Variants in AEN observed in about 807,000 individuals in gnomAD.
AEN encodes the protein apoptosis-enhancing nuclease.
AEN carries 21 observed loss-of-function variants against 17.7 expected under a neutral mutation model. The observed-to-expected ratio is 1.19, with a 90% CI of 0.84 to 1.71. The LOEUF is 1.71. Ranked by LOEUF, AEN falls within the 40% of genes most tolerant of loss-of-function variation. The pLI, the probability that AEN is intolerant of heterozygous loss-of-function variation, is 0.00. For synonymous variants in AEN, 190 were observed against 173.0 expected, an observed-to-expected ratio of 1.10 and a Z score of -0.77; for missense variants, 462 against 435.9, an observed-to-expected ratio of 1.06 and a Z score of -0.53.
the AEN span, among the ~76,000 whole-genome samples, chr15:88,608,837 T>C: frequency 6.6e-6 from 1 of 152,248 alleles, no homozygotes; most frequent in Admixed American, 6.5e-5. Context: ...GGAAGACTTG[T>C]TGCAGGTAGG....
chr15:88,624,664 A>G (rs1183292720), intron 1 of AEN, among the ~76,000 whole-genome samples: 2 of 152,146 alleles, frequency 1.3e-5, no homozygotes, highest in Non-Finnish European at 2.9e-5. Flanking sequence ...CAGGTGGATC[A>G]CCTGAGGTCA....
the AEN span, among the ~76,000 whole-genome samples, chr15:88,607,833 G>A: frequency 6.6e-6 from 1 of 151,988 alleles, no homozygotes; most frequent in Non-Finnish European, 1.5e-5. Flanking sequence ...TAGTTTTGCG[G>A]GTATTTACAT....
In AEN at chr15:88,630,636, AG is replaced by A. The variant is rs1032440074; in HGVS notation, c.*343del. On this transcript the variant is annotated 3_prime_UTR_variant, in exon 4 of 4. Transcript: ENST00000332810. The surrounding 1 kb of genome is among the most constrained non-coding windows in gnomAD (Gnocchi z 5.1). ...GTTGCCGTGGCCTTCCCCACCCCCCAGATCTCCTGAGTCATCATGCTGTGCT... is the reference window on the plus strand; with the variant it reads ...GTTGCCGTGGCCTTCCCCACCCCCCAATCTCCTGAGTCATCATGCTGTGCT... 6.3e-6 allele frequency: 2 copies of A among 317,968 alleles called. No homozygotes were observed. Among genetic ancestry groups the A allele is most frequent in the African/African-American group, 4.2e-5 (2 of 47,278 alleles). 19.7% of individuals were successfully genotyped at this position (317,968 alleles called of 1,614,324 possible).
chr15:88,612,696 G>C, the AEN span, among the ~76,000 whole-genome samples: 1 of 151,914 alleles, frequency 6.6e-6, no homozygotes, highest in Non-Finnish European at 1.5e-5. Context: ...CACCTCCTGG[G>C]TTCAAGTGAT....
At chr15:88,606,973 A>C in the AEN span, among the ~76,000 whole-genome samples, 2 of 151,544 alleles carry the variant, frequency 1.3e-5, no homozygotes, top group African/African-American at 4.9e-5. Flanking sequence ...TGAGAAAAAA[A>C]AATTGCTTTT....
At chr15:88,608,002 T>C in the AEN span, 5 of 442,776 alleles carry the variant, frequency 1.1e-5, no homozygotes, top group South Asian at 8.8e-5. Flanking sequence ...ATCAGTAATG[T>C]CCCATAGCAA....
At chr15:88,629,533 T>C (rs1375915710) in intron 3 of AEN, 107 bp downstream of exon 3, 2 of 1,346,282 alleles carry the variant, frequency 1.5e-6, no homozygotes, top group African/African-American at 2.9e-5. Flanking sequence ...CTTGTCATTC[T>C]CTTCCCTAGT....
At chr15:88,618,527 T>C (rs12442503), upstream of AEN, among the ~76,000 whole-genome samples, 1,539 of 152,362 alleles carry the variant, frequency 0.01, 122 homozygotes, top group East Asian at 0.2. Flanking sequence ...ACATACAAGT[T>C]AATTAATCTT....
At chr15:88,612,107 G>T in the AEN span, among the ~76,000 whole-genome samples, 1 of 152,176 alleles carries the variant, frequency 6.6e-6, no homozygotes, top group Non-Finnish European at 1.5e-5. Flanking sequence ...GTGGGGCAGG[G>T]TCTCTGTTTT....
At position 88,631,764 on chromosome 15, in the gene AEN, T is replaced by C. The variant is rs937860083; in HGVS notation, c.*1470T>C. ...GCAGCTGTGGCCCAGACAGAACTGC[T>C]CCGGCTTGGCTGTTCCAGCAGGTGG... On this transcript the variant is annotated 3_prime_UTR_variant, in exon 4 of 4. Transcript: ENST00000332810. The C allele has an allele frequency of 2.0e-5, 3 of 152,350 alleles. No individual in the cohort carries two copies. Among genetic ancestry groups the C allele is most frequent in the African/African-American group, 7.2e-5 (3 of 41,428 alleles). The allele number at this position is 152,350 out of a possible 1,614,324, so 9.4% of individuals were successfully genotyped here. A position where few individuals can be genotyped will look rare whatever the true frequency, so the allele number is the denominator to read the frequency against.
chr15:88,604,932 G>C, the AEN span: 1 of 152,220 alleles, frequency 6.6e-6, no homozygotes, highest in Non-Finnish European at 1.5e-5. This position sits in a 1 kb window ranked among gnomAD's most constrained non-coding sequence, Gnocchi z 8.1. Context: ...CTCCCTAGCC[G>C]CGGCGACCCA....
At chr15:88,611,791 G>A in the AEN span, 2 of 461,848 alleles carry the variant, frequency 4.3e-6, no homozygotes, top group Non-Finnish European at 8.8e-6. Context: ...GGCGAGGGGA[G>A]GGGGGTGGTC....
Position 88,630,254 on chromosome 15 carries a change from G to A in AEN, c.938G>A (p.Ser313Asn). 1.3e-6 allele frequency: 2 copies of A among 1,595,920 alleles called. No individual in the cohort carries two copies. The highest frequency in any genetic ancestry group is 1.7e-6 in the Non-Finnish European group (2 of 1,171,706). ...TGGCCCGATGACCTGGCCCACGGCAGCAGAGGAGGAGCCAGGGAGGCACAG... is the reference window on the plus strand; with the variant it reads ...TGGCCCGATGACCTGGCCCACGGCAACAGAGGAGGAGCCAGGGAGGCACAG... ...QYWPDDLAHGSRGGAREAQDR... is the reference protein window; with the variant it reads ...QYWPDDLAHGNRGGAREAQDR... Residue 313 changes from serine (S) to asparagine (N), a missense_variant, in exon 4 of 4, where the codon AGC (serine) becomes AAC (asparagine). Physicochemically the swap from Ser to Asn is conservative, Grantham distance 46. Coordinates refer to ENST00000332810, the MANE Select transcript of AEN (RefSeq NM_022767.4). The surrounding 1 kb of genome is among the most constrained non-coding windows in gnomAD (Gnocchi z 5.1).
At chr15:88,621,158 C>G (rs2057781217), upstream of AEN, 1 of 152,316 alleles carries the variant, frequency 6.6e-6, no homozygotes, top group African/African-American at 2.4e-5. Flanking sequence ...CCAGTATGGC[C>G]GGCTCGCAGC....
rs773836034 is a variant in AEN, at chr15:88,630,234, CG to C, written c.919del (p.Asp307MetfsTer64). The C allele has an allele frequency of 8.7e-6, 14 of 1,603,530 alleles. No homozygotes were observed. Among genetic ancestry groups the C allele is most frequent in the Non-Finnish European group, 1.0e-5 (12 of 1,175,586 alleles). ...EQYMEDQYWP[D>X]DLAHGSRGGA... ...AGTACATGGAGGACCAGTACTGGCC[CG>C]ATGACCTGGCCCACGGCAGCAGAGG... On this transcript the variant is annotated frameshift_variant, in exon 4 of 4. Transcript: ENST00000332810. LOFTEE classifies it low-confidence loss of function (END_TRUNC). This position sits in a 1 kb window ranked among gnomAD's most constrained non-coding sequence, Gnocchi z 5.1.
rs2141371490 is a variant in AEN at position 88,626,123 on chromosome 15, C to T, written c.-64-23C>T. 2.8e-6 allele frequency: 4 copies of T among 1,431,114 alleles called. No individual in the cohort carries two copies. In the East Asian group the frequency reaches 7.3e-5, roughly 26 times the overall value. 88.7% of individuals were successfully genotyped at this position (1,431,114 alleles called of 1,614,324 possible). ...CCTGGCACACTCTCACCCAGCCCCT[C>T]TGCCTGTGTGTTCTCTCTTCAGGCT... On this transcript the variant is annotated intron_variant, in intron 1 of 3. Transcript: ENST00000332810.
At chr15:88,615,385 G>T in the AEN span, among the ~76,000 whole-genome samples, 14 of 152,224 alleles carry the variant, frequency 9.2e-5, no homozygotes, top group East Asian at 2.3e-3. Context: ...AGTTGGGGGA[G>T]GGTACAAAGG....
chr15:88,616,794 A>T (rs1446571956), upstream of AEN, among the ~76,000 whole-genome samples: 2 of 152,222 alleles, frequency 1.3e-5, no homozygotes, highest in African/African-American at 4.8e-5. Flanking sequence ...TGAATAAATT[A>T]TGTGACATGT....
chr15:88,606,989 A>C, the AEN span, among the ~76,000 whole-genome samples: 1 of 151,862 alleles, frequency 6.6e-6, no homozygotes, highest in Admixed American at 6.6e-5. Context: ...CTTTTCCTGG[A>C]TGTACAGGAG....
Sources: gnomAD v4.1 joint callset for allele counts (sites outside exome capture counted in the v4.1 genomes callset) on GRCh38, gnomAD v4.1.1 for gene constraint, Gnocchi (gnomAD v3.1) non-coding constraint, MANE v1.5 for transcripts, NCBI Gene and HGNC (gene_info 2026-07-23, HGNC 2026-07-21) for gene names.